FOCAD: variants seen among roughly 807,000 people sequenced by gnomAD.
FOCAD encodes the protein focadhesin.
Under a neutral mutation model 225.6 loss-of-function variants are expected in FOCAD, and 198 were observed. The observed-to-expected ratio is 0.88, with a 90% CI of 0.78 to 0.99. The LOEUF is 0.99. Among genes scored for constraint, FOCAD ranks in the 50% least tolerant of loss-of-function variants. The probability of loss-of-function intolerance (pLI) is 0.00; values close to 1 mark genes in which losing one functional copy is unlikely to be tolerated. For synonymous variants in FOCAD, 897 were observed against 755.0 expected, an observed-to-expected ratio of 1.19 and a Z score of -3.08; for missense variants, 2,713 against 2,123.6, an observed-to-expected ratio of 1.28 and a Z score of -5.46.
chr9:20,759,919 C>T (rs1294359693), intron 6 of FOCAD, among the ~76,000 whole-genome samples: 1 of 152,216 alleles, frequency 6.6e-6, no homozygotes, highest in East Asian at 1.9e-4. Context: ...TAAAGTATTA[C>T]TGCCAAGTGG....
At chr9:20,769,457 A>AT (rs1361365193) in intron 7 of FOCAD, among the ~76,000 whole-genome samples, 1 of 152,136 alleles carries the variant, frequency 6.6e-6, no homozygotes, top group Admixed American at 6.6e-5. Context: ...TTGCATTGGG[A>AT]TTTTCAAGAG....
intron 24 of FOCAD, among the ~76,000 whole-genome samples, chr9:20,923,400 A>G (rs901378737): frequency 2.0e-5 from 3 of 152,196 alleles, no homozygotes; most frequent in Non-Finnish European, 4.4e-5. Context: ...GGAAGAAACA[A>G]CTTACTAAGC....
intron 1 of FOCAD, among the ~76,000 whole-genome samples, chr9:20,697,172 T>C (rs1052492728): frequency 1.3e-5 from 2 of 152,236 alleles, no homozygotes; most frequent in African/African-American, 4.8e-5. Context: ...AAGTCTGACC[T>C]CTTCCCACTA....
chr9:20,770,090 G>A lies in FOCAD; in HGVS notation c.758G>A (p.Ser253Asn), dbSNP rs199678370. ...ATGTTTATTGAGGAAGTATGTTTAA[G>A]CCTTTTGCGTCATCCTGTTTTCTGG... ...AMMFIEEVCL[S>N]LLRHPVFWKI... The change falls in exon 8 of 44, where the codon AGC becomes AAC. Residue 253 changes from serine to asparagine, a missense_variant. Transcript: ENST00000338382. 5.1e-5 allele frequency: 83 copies of A among 1,613,968 alleles called. No individual in the cohort carries two copies. The highest frequency in any genetic ancestry group is 6.7e-5 in the Non-Finnish European group (79 of 1,180,000).
chr9:20,926,433 A>T lies in FOCAD; in HGVS notation c.3078+16A>T, dbSNP rs773582970. 2 of 1,465,836 alleles carry T rather than the reference A, an allele frequency of 1.4e-6. No homozygotes were observed. Among genetic ancestry groups the T allele is most frequent in the South Asian group, 2.3e-5 (2 of 87,962 alleles). 90.8% of individuals were successfully genotyped at this position (1,465,836 alleles called of 1,614,324 possible). On this transcript the variant is annotated intron_variant, in intron 26 of 43. Coordinates refer to ENST00000338382, the MANE Select transcript of FOCAD (RefSeq NM_001375567.1). ...GTTTTATTATGTAAGTGCAAAAAAT[A>T]AAAAATGATCAGAAAACTCAAGAAT...
chr9:20,907,709 T>C (rs997618862), intron 22 of FOCAD, among the ~76,000 whole-genome samples: 3 of 152,080 alleles, frequency 2.0e-5, no homozygotes, highest in Non-Finnish European at 1.5e-5. Flanking sequence ...TCTTAGCTTT[T>C]AAACACACTA....
chr9:20,680,725 G>C (rs995325014), upstream of FOCAD, among the ~76,000 whole-genome samples: 9 of 152,202 alleles, frequency 5.9e-5, no homozygotes, highest in African/African-American at 2.2e-4. Flanking sequence ...CCAGCATTTT[G>C]GGAGGCCGAG....
chr9:20,660,790 G>C (rs1821692912), intron 2 of FOCAD, among the ~76,000 whole-genome samples: 1 of 152,128 alleles, frequency 6.6e-6, no homozygotes, highest in African/African-American at 2.4e-5. Context: ...AGGATCAGAA[G>C]TCAGATCATA....
At chr9:20,744,545 A>G (rs1326862197) in intron 5 of FOCAD, among the ~76,000 whole-genome samples, 2 of 152,232 alleles carry the variant, frequency 1.3e-5, no homozygotes, top group African/African-American at 2.4e-5. Context: ...TATGCCAAGT[A>G]TAAAACTCTA....
intron 22 of FOCAD, among the ~76,000 whole-genome samples, chr9:20,911,254 G>A (rs930976140): frequency 3.9e-5 from 6 of 152,104 alleles, no homozygotes; most frequent in Non-Finnish European, 7.4e-5. Context: ...TGATATGATT[G>A]AAGCAAATGA....
intron 43 of FOCAD, 58 bp from the exon 44 acceptor site, chr9:20,995,498 C>T (rs1432178618): frequency 7.1e-7 from 1 of 1,409,130 alleles, no homozygotes; most frequent in Non-Finnish European, 1.0e-6. Context: ...TGTTCTGACA[C>T]CTTTTTGATC....
intron 21 of FOCAD, among the ~76,000 whole-genome samples, chr9:20,905,058 A>G (rs571740460): frequency 2.0e-5 from 3 of 152,092 alleles, no homozygotes; most frequent in South Asian, 4.1e-4. Flanking sequence ...CTGTTTCTCT[A>G]AAGTCTGTCT....
At chr9:20,979,713 A>G (rs1364763100) in intron 37 of FOCAD, among the ~76,000 whole-genome samples, 1 of 152,036 alleles carries the variant, frequency 6.6e-6, no homozygotes, top group East Asian at 1.9e-4. Flanking sequence ...CAAGGTCTGC[A>G]TCTTTCTGTC....
At chr9:20,972,720 T>G (rs1258062492) in intron 35 of FOCAD, among the ~76,000 whole-genome samples, 1 of 152,214 alleles carries the variant, frequency 6.6e-6, no homozygotes, top group African/African-American at 2.4e-5. Flanking sequence ...TTAATTCTGT[T>G]TCTTTTTCTG....
chr9:20,988,180 A>C, intron 40 of FOCAD, 152 bp from the exon 41 acceptor site: 1 of 464,324 alleles, frequency 2.2e-6, no homozygotes, highest in Middle Eastern at 3.2e-4. Context: ...TCTCACAGGC[A>C]GTCACAAGTC....
intron 37 of FOCAD, among the ~76,000 whole-genome samples, 172 bp from the exon 38 acceptor site, chr9:20,981,254 T>C (rs1421751945): frequency 6.6e-6 from 1 of 152,148 alleles, no homozygotes; most frequent in African/African-American, 2.4e-5. Context: ...CAAAATTACA[T>C]GCATTGGTGG....
In FOCAD at chr9:20,948,333, A is replaced by T; in HGVS notation, c.3738A>T (p.Gly1246=). The part of the protein sequence containing the change: ...IVHGLSVCGH[G]KAEDLGSKLL... ...ATGGATTGTCTGTGTGTGGACATGG[A>T]AAAGCTGAAGACTTGGGCAGCAAAC... Residue 1246 remains glycine (G), a synonymous_variant, in exon 31 of 44, where the codon GGA becomes GGT. Transcript: ENST00000338382. 1 of 1,612,776 alleles carries T rather than the reference A, an allele frequency of 6.2e-7. No homozygotes were observed. Among genetic ancestry groups the T allele is most frequent in the Non-Finnish European group, 8.5e-7 (1 of 1,179,080 alleles).
chr9:20,692,320 A>G (rs1040137597), intron 1 of FOCAD, among the ~76,000 whole-genome samples: 1 of 152,116 alleles, frequency 6.6e-6, no homozygotes, highest in African/African-American at 2.4e-5. Context: ...CACAATCTAT[A>G]TATATATACT....
At chr9:20,686,240 T>A (rs1168921256) in intron 1 of FOCAD, among the ~76,000 whole-genome samples, 1 of 152,226 alleles carries the variant, frequency 6.6e-6, no homozygotes, top group Non-Finnish European at 1.5e-5. Flanking sequence ...CACTGCAACC[T>A]CCGCCTCCCA....
Sources: allele counts gnomAD v4.1 joint callset (sites outside exome capture counted in the v4.1 genomes callset), GRCh38; gene constraint gnomAD v4.1.1; transcripts MANE v1.5; gene names NCBI Gene and HGNC (gene_info 2026-07-23, HGNC 2026-07-21).